ATXN3: variants seen among roughly 807,000 people sequenced by gnomAD.
The protein encoded by ATXN3 is ataxin-3.
In ATXN3, 28 loss-of-function variants were observed where a neutral mutation model predicts 58.2. The ratio of observed to expected loss-of-function variants is 0.48; its 90% confidence interval spans 0.36 to 0.66. ATXN3 has a LOEUF of 0.66. ATXN3 is among the 30% of genes least tolerant of loss of function. ATXN3 has a pLI of 0.00. For missense variants in ATXN3, 321 were observed against 422.1 expected (o/e 0.76, Z 2.10); for synonymous variants, 113 against 138.5 (o/e 0.82, Z 1.29).
chr14:92,089,757 T>A (rs930396816), intron 5 of ATXN3, among the ~76,000 whole-genome samples: 1 of 152,238 alleles, frequency 6.6e-6, no homozygotes, highest in Non-Finnish European at 1.5e-5. Flanking sequence ...TATAATTAAA[T>A]CTTTTTTCAA....
At chr14:92,076,939 C>CAAAAAAAAAAA (rs1157708694) in intron 9 of ATXN3, among the ~76,000 whole-genome samples, 11 of 59,790 alleles carry the variant, frequency 1.8e-4, no homozygotes, top group South Asian at 7.0e-4. Flanking sequence ...GATTTCGTCT[C>CAAAAAAAAAAA]AAAAAAAAAA....
chr14:92,045,534 G>A (rs1025868848), intron 2 of ATXN3, among the ~76,000 whole-genome samples: 1 of 152,074 alleles, frequency 6.6e-6, no homozygotes, highest in African/African-American at 2.4e-5. Context: ...AGTCCTGGGT[G>A]GGGGCAAATC....
chr14:92,053,622 G>A (rs1021392530), downstream of ATXN3, among the ~76,000 whole-genome samples: 15 of 151,242 alleles, frequency 9.9e-5, no homozygotes, highest in African/African-American at 2.9e-4. Flanking sequence ...TCAGCCTCCC[G>A]AATAGCTGGG....
intron 5 of ATXN3, among the ~76,000 whole-genome samples, chr14:92,092,572 T>C (rs1209956325): frequency 6.6e-6 from 1 of 152,198 alleles, no homozygotes; most frequent in East Asian, 1.9e-4. Flanking sequence ...CTATGCTAAA[T>C]ACAAATCTAT....
At chr14:92,106,327 G>A (rs1257623122) in intron 1 of ATXN3, among the ~76,000 whole-genome samples, 2 of 151,688 alleles carry the variant, frequency 1.3e-5, no homozygotes, top group Non-Finnish European at 2.9e-5. Flanking sequence ...CTCCCAGGGC[G>A]GGGGCCGCGG....
chr14:92,075,329 T>C (rs1039769455), intron 9 of ATXN3, among the ~76,000 whole-genome samples: 1 of 152,094 alleles, frequency 6.6e-6, no homozygotes, highest in Admixed American at 6.6e-5. Flanking sequence ...CATACTCGGC[T>C]AATTTTTTTG....
At chr14:92,054,951 G>A (rs758602363), downstream of ATXN3, among the ~76,000 whole-genome samples, 2 of 152,046 alleles carry the variant, frequency 1.3e-5, no homozygotes, top group African/African-American at 4.8e-5. Flanking sequence ...GCGTGATCTC[G>A]GCTCACTGCA....
At chr14:92,096,370 A>C in intron 2 of ATXN3, 1 of 1,328,062 alleles carries the variant, frequency 7.5e-7, no homozygotes, top group South Asian at 1.5e-5. Flanking sequence ...CACACCTATA[A>C]TCCCAGCACT....
intron 10 of ATXN3, among the ~76,000 whole-genome samples, chr14:92,065,997 T>C (rs2058327215): frequency 1.3e-5 from 2 of 152,112 alleles, no homozygotes; most frequent in Non-Finnish European, 1.5e-5. Context: ...TGTGCAGCAT[T>C]GCCCAGGCTG....
In ATXN3 at chr14:92,101,338, G is replaced by T. The variant is rs548859340; in HGVS notation, c.25-4500C>A. ...AGAGCAACATCATGTCTCTCAAAAA[G>T]ACACAAAATAAATAAAAATAAAAAC... On this transcript the variant is annotated intron_variant, in intron 1 of 10. Transcript: ENST00000644486. 5.3e-5 allele frequency among the ~76,000 whole-genome samples: 8 copies of T among 152,104 alleles called. No individual in the cohort carries two copies. The East Asian group carries it at 1.5e-3, about 29-fold the overall frequency.
At chr14:92,091,774 T>A (rs2063873144) in intron 5 of ATXN3, among the ~76,000 whole-genome samples, 5 of 152,122 alleles carry the variant, frequency 3.3e-5, no homozygotes, top group African/African-American at 1.2e-4. Context: ...CATGATTCAC[T>A]GCAGGCTTGA....
At chr14:92,067,542 A>G (rs2058663315) in intron 10 of ATXN3, among the ~76,000 whole-genome samples, 1 of 152,044 alleles carries the variant, frequency 6.6e-6, no homozygotes, top group South Asian at 2.1e-4. Flanking sequence ...GATTACAGGC[A>G]TGTGCCACCA....
intron 10 of ATXN3, among the ~76,000 whole-genome samples, chr14:92,069,947 G>C (rs954615382): frequency 1.3e-5 from 2 of 152,030 alleles, no homozygotes; most frequent in African/African-American, 4.8e-5. Context: ...TGGTTTTATC[G>C]TGCATTTCCC....
chr14:92,098,445 A>G (rs1263218872), intron 1 of ATXN3, among the ~76,000 whole-genome samples: 3 of 152,060 alleles, frequency 2.0e-5, no homozygotes, highest in Non-Finnish European at 2.9e-5. Flanking sequence ...AAAATTAGCC[A>G]GCATGGTGGT....
At chr14:92,069,095 T>TTTTTTTTTA (rs2058961852) in intron 10 of ATXN3, among the ~76,000 whole-genome samples, 3 of 151,666 alleles carry the variant, frequency 2.0e-5, no homozygotes, top group African/African-American at 4.9e-5. Flanking sequence ...TTTTTTTTTT[T>TTTTTTTTTA]GAGAAGGAGT....
At chr14:92,096,897 C>A in intron 1 of ATXN3, 59 bp from the exon 2 acceptor site, 1 of 1,414,926 alleles carries the variant, frequency 7.1e-7, no homozygotes, top group South Asian at 1.2e-5. Context: ...TGTATAGTAT[C>A]TTCCCCTAAA....
At chr14:92,055,487 C>G (rs1022037519), downstream of ATXN3, among the ~76,000 whole-genome samples, 1 of 152,192 alleles carries the variant, frequency 6.6e-6, no homozygotes, top group Non-Finnish European at 1.5e-5. This position sits in a 1 kb window ranked among gnomAD's most constrained non-coding sequence, Gnocchi z 4.5. Context: ...CAAACTGAAA[C>G]TCCATACTCG....
chr14:92,067,340 T>TTC (rs766748486), intron 10 of ATXN3, among the ~76,000 whole-genome samples: 4 of 152,244 alleles, frequency 2.6e-5, no homozygotes, highest in Non-Finnish European at 5.9e-5. Context: ...TGGGAAATTT[T>TTC]CAGCCATGAC....
At chr14:92,053,483 T>TC (rs1220362601), upstream of ATXN3, among the ~76,000 whole-genome samples, 3 of 149,890 alleles carry the variant, frequency 2.0e-5, no homozygotes, top group Admixed American at 6.6e-5. Flanking sequence ...CTTTTTTTTT[T>TC]CTTTCTTTCT....
Sources: gnomAD v4.1 joint callset for allele counts (sites outside exome capture counted in the v4.1 genomes callset) on GRCh38, gnomAD v4.1.1 for gene constraint, Gnocchi (gnomAD v3.1) non-coding constraint, MANE v1.5 for transcripts, NCBI Gene and HGNC (gene_info 2026-07-23, HGNC 2026-07-21) for gene names.